The following XNDC1N variants were observed in gnomAD, a reference collection of about 807,000 sequenced individuals.
The protein encoded by XNDC1N is XRCC1 N-terminal domain containing 1, N-terminal like.
At chr11:71,923,649 G>C in the XNDC1N span, among the ~76,000 whole-genome samples, 3 of 150,584 alleles carry the variant, frequency 2.0e-5, no homozygotes, top group Non-Finnish European at 4.4e-5. Flanking sequence ...TCCTCCTCCC[G>C]GGTTCACGCC....
chr11:71,868,865 A>G, the XNDC1N span, among the ~76,000 whole-genome samples: 1 of 152,132 alleles, frequency 6.6e-6, no homozygotes, highest in Non-Finnish European at 1.5e-5. Context: ...ATATCCTCAA[A>G]TATGTTTCCC....
the XNDC1N span, among the ~76,000 whole-genome samples, chr11:71,882,354 C>T: frequency 0.036 from 5,526 of 152,090 alleles, 336 homozygotes; most frequent in African/African-American, 0.13. Flanking sequence ...CTTCCTGGGT[C>T]CAAGCAATCT....
chr11:71,918,367 G>C, the XNDC1N span, among the ~76,000 whole-genome samples: 2 of 151,934 alleles, frequency 1.3e-5, no homozygotes, highest in Non-Finnish European at 2.9e-5. Context: ...CTGCAGCCTT[G>C]ACCTCCTGGG....
the XNDC1N span, among the ~76,000 whole-genome samples, chr11:71,901,286 C>A: frequency 0.028 from 4,278 of 152,134 alleles, 74 homozygotes; most frequent in East Asian, 0.08. Context: ...CCTGTGGTTA[C>A]GACCTCTGAG....
chr11:71,883,809 G>A, the XNDC1N span, among the ~76,000 whole-genome samples: 1 of 152,146 alleles, frequency 6.6e-6, no homozygotes, highest in Non-Finnish European at 1.5e-5. Flanking sequence ...CTCAGTAAAG[G>A]AGACATGGCC....
At chr11:71,920,188 G>A in the XNDC1N span, among the ~76,000 whole-genome samples, 1 of 150,860 alleles carries the variant, frequency 6.6e-6, no homozygotes. Flanking sequence ...TGGATCTCCT[G>A]ACCTCGTGAT....
the XNDC1N span, chr11:71,928,589 C>G: frequency 1.1e-5 from 8 of 702,372 alleles, no homozygotes; most frequent in Non-Finnish European, 1.8e-5. Flanking sequence ...AAATACATTT[C>G]CGTGTGTTTT....
the XNDC1N span, among the ~76,000 whole-genome samples, chr11:71,901,963 C>G: frequency 6.6e-6 from 1 of 152,218 alleles, no homozygotes; most frequent in South Asian, 2.1e-4. Context: ...TGAAGTTCTG[C>G]TTTCCCTGCA....
At chr11:71,916,253 C>T in the XNDC1N span, 1 of 700,762 alleles carries the variant, frequency 1.4e-6, no homozygotes, top group African/African-American at 1.8e-5. Flanking sequence ...AGGAAATCAA[C>T]TCAAGGAAAA....
the XNDC1N span, among the ~76,000 whole-genome samples, chr11:71,923,910 T>C: frequency 6.6e-6 from 1 of 151,400 alleles, no homozygotes; most frequent in African/African-American, 2.4e-5. Flanking sequence ...TGGCAGGGAG[T>C]AGGTTTGGAT....
the XNDC1N span, chr11:71,916,064 T>C: frequency 1.4e-6 from 1 of 698,346 alleles, no homozygotes; most frequent in Non-Finnish European, 2.6e-6. Flanking sequence ...CACTCCATCA[T>C]CATACATACC....
chr11:71,888,127 C>G, the XNDC1N span, among the ~76,000 whole-genome samples: 1 of 152,054 alleles, frequency 6.6e-6, no homozygotes, highest in Admixed American at 6.5e-5. Flanking sequence ...TTGGGTGTGC[C>G]AAGGGAACAG....
chr11:71,909,139 A>G, the XNDC1N span, among the ~76,000 whole-genome samples: 1 of 152,214 alleles, frequency 6.6e-6, no homozygotes, highest in African/African-American at 2.4e-5. Flanking sequence ...CAAAGCCCAG[A>G]AGACATGAGA....
the XNDC1N span, among the ~76,000 whole-genome samples, chr11:71,914,926 T>C: frequency 6.6e-6 from 1 of 152,218 alleles, no homozygotes; most frequent in South Asian, 2.1e-4. Context: ...TGGCTGGGTT[T>C]GGGAGAATTG....
chr11:71,900,783 G>T, the XNDC1N span, among the ~76,000 whole-genome samples: 1 of 152,266 alleles, frequency 6.6e-6, no homozygotes, highest in South Asian at 2.1e-4. Context: ...TTTCATCTGC[G>T]TAGTCTCCAC....
At chr11:71,879,318 AC>A in the XNDC1N span, among the ~76,000 whole-genome samples, 1 of 152,160 alleles carries the variant, frequency 6.6e-6, no homozygotes, top group African/African-American at 2.4e-5. Flanking sequence ...TTAATTTTTA[AC>A]CACAAAACTA....
chr11:71,876,026 A>T, the XNDC1N span, among the ~76,000 whole-genome samples: 1 of 152,162 alleles, frequency 6.6e-6, no homozygotes, highest in African/African-American at 2.4e-5. Flanking sequence ...CTCTGTCTCA[A>T]ATAAATAAAT....
the XNDC1N span, among the ~76,000 whole-genome samples, chr11:71,887,951 G>A: frequency 3.0e-5 from 3 of 99,390 alleles, no homozygotes; most frequent in African/African-American, 3.5e-4. Context: ...GGAGTCAGGT[G>A]TCACTACTCA....
At chr11:71,917,337 T>G in the XNDC1N span, 1 of 628,894 alleles carries the variant, frequency 1.6e-6, no homozygotes. Flanking sequence ...AATCAATAAG[T>G]GTGTGTGTTC....
Sources: gnomAD v4.1 joint callset for allele counts (sites outside exome capture counted in the v4.1 genomes callset) on GRCh38, gnomAD v4.1.1 for gene constraint, MANE v1.5 for transcripts, NCBI Gene and HGNC (gene_info 2026-07-23, HGNC 2026-07-21) for gene names.